Variants in NEDD4L observed in about 807,000 individuals in gnomAD.
The protein encoded by NEDD4L is NEDD4 like E3 ubiquitin protein ligase, also known as E3 ubiquitin-protein ligase NEDD4-like.
A neutral mutation model predicts 148.9 loss-of-function variants in NEDD4L; 54 were observed. The observed-to-expected ratio is 0.36, with a 90% confidence interval of 0.29 to 0.45. NEDD4L has a LOEUF of 0.45. NEDD4L is among the 20% of genes least tolerant of loss of function. The pLI is 1.00. For synonymous variants in NEDD4L, 433 were observed against 440.7 expected (o/e 0.98, Z 0.22); for missense variants, 856 against 1,233.8 (o/e 0.69, Z 4.59).
intron 5 of NEDD4L, among the ~76,000 whole-genome samples, chr18:58,291,657 C>A (rs1292254201): frequency 6.6e-6 from 1 of 152,120 alleles, no homozygotes; most frequent in African/African-American, 2.4e-5. Context: ...ATTTTTATGT[C>A]TTGTATTTTC....
At chr18:58,153,713 C>G (rs1304377360) in intron 1 of NEDD4L, among the ~76,000 whole-genome samples, 1 of 151,776 alleles carries the variant, frequency 6.6e-6, no homozygotes, top group Non-Finnish European at 1.5e-5. Context: ...GTGGCGCAAT[C>G]TCGGCTCACT....
At chr18:58,265,365 C>T (rs2050075273) in intron 5 of NEDD4L, among the ~76,000 whole-genome samples, 1 of 152,054 alleles carries the variant, frequency 6.6e-6, no homozygotes, top group Non-Finnish European at 1.5e-5. Flanking sequence ...TGGATGAATT[C>T]CTTCCTTGCT....
At chr18:58,273,937 CAG>C (rs74183246) in intron 5 of NEDD4L, among the ~76,000 whole-genome samples, 1,694 of 152,314 alleles carry the variant, frequency 0.011, 15 homozygotes, top group South Asian at 0.033. Flanking sequence ...CCCATCCACA[CAG>C]AGAGTTTATT....
chr18:58,251,166 G>A (rs2047882962), intron 4 of NEDD4L, among the ~76,000 whole-genome samples: 1 of 152,116 alleles, frequency 6.6e-6, no homozygotes, highest in African/African-American at 2.4e-5. Context: ...ATACATCATA[G>A]GATTGCTGTG....
chr18:58,314,271 G>A (rs1172984319), intron 5 of NEDD4L, among the ~76,000 whole-genome samples: 1 of 152,094 alleles, frequency 6.6e-6, no homozygotes. Flanking sequence ...ACAAAAATTA[G>A]CTGGGCGTGG....
At chr18:58,058,502 T>A (rs1271483020) in intron 1 of NEDD4L, among the ~76,000 whole-genome samples, 1 of 152,234 alleles carries the variant, frequency 6.6e-6, no homozygotes, top group East Asian at 1.9e-4. Context: ...CAGTTTCTTG[T>A]AGCGCATCTT....
intron 8 of NEDD4L, among the ~76,000 whole-genome samples, chr18:58,324,216 C>T (rs2059107084): frequency 1.3e-5 from 2 of 152,230 alleles, no homozygotes; most frequent in South Asian, 4.1e-4. Context: ...GAATTTTTTA[C>T]ACTCTTCTTG....
chr18:58,307,708 T>C (rs1311349916), intron 5 of NEDD4L, among the ~76,000 whole-genome samples: 2 of 152,140 alleles, frequency 1.3e-5, no homozygotes, highest in African/African-American at 4.8e-5. Flanking sequence ...CCCGGAGATA[T>C]GTGAGGAAGA....
chr18:58,343,209 T>A, intron 16 of NEDD4L, 106 bp downstream of exon 16: 3 of 914,728 alleles, frequency 3.3e-6, no homozygotes, highest in Non-Finnish European at 4.5e-6. Context: ...GGATTGACTG[T>A]AAAGGGTGTC....
At chr18:58,156,689 A>G (rs1599184592) in intron 1 of NEDD4L, among the ~76,000 whole-genome samples, 1 of 152,032 alleles carries the variant, frequency 6.6e-6, no homozygotes, top group Non-Finnish European at 1.5e-5. Context: ...TTGGGAGGCC[A>G]CCTGCCCGTG....
chr18:58,071,721 T>C (rs1483477510), intron 1 of NEDD4L, among the ~76,000 whole-genome samples: 1 of 152,208 alleles, frequency 6.6e-6, no homozygotes, highest in African/African-American at 2.4e-5. Context: ...TTTAATTGAC[T>C]TACAGTTCCA....
In NEDD4L at chr18:58,348,326, C is replaced by CTTTTTTTTTTTTTTTTTTTTTTT. The variant is rs771263533; in HGVS notation, c.1576-1210_1576-1188dup. Reference sequence around the variant, plus strand: ...CACTGCATTTCTTTTTCTTTTTTTTCTTTTTTTTTTTTTTTTTTTTTTTGA... The same window carrying CTTTTTTTTTTTTTTTTTTTTTTT: ...CACTGCATTTCTTTTTCTTTTTTTTCTTTTTTTTTTTTTTTTTTTTTTTTTTTTTTTTTTTTTTTTTTTTTTGA... On this transcript the variant is annotated intron_variant, in intron 16 of 30. Coordinates refer to ENST00000400345, the MANE Select transcript of NEDD4L (RefSeq NM_001144967.3). Among the ~76,000 whole-genome samples, 239 of 88,648 alleles carry CTTTTTTTTTTTTTTTTTTTTTTT rather than the reference C, an allele frequency of 2.7e-3. 16 individuals carry two copies. The highest frequency in any genetic ancestry group is 8.5e-3 in the Middle Eastern group (1 of 118). 58.2% of individuals were successfully genotyped at this position (88,648 alleles called of 152,430 possible).
intron 5 of NEDD4L, among the ~76,000 whole-genome samples, chr18:58,270,323 G>A (rs559709082): frequency 1.1e-4 from 17 of 152,300 alleles, no homozygotes; most frequent in Admixed American, 2.6e-4. Flanking sequence ...TTTTTAGGGC[G>A]CACAGAAGTG....
intron 4 of NEDD4L, among the ~76,000 whole-genome samples, chr18:58,250,366 T>C (rs1273906154): frequency 6.6e-6 from 1 of 152,184 alleles, no homozygotes. Context: ...GCCAGGCTGG[T>C]CTCACTCTCC....
At chr18:58,053,109 T>G (rs968513561) in intron 1 of NEDD4L, among the ~76,000 whole-genome samples, 4 of 151,334 alleles carry the variant, frequency 2.6e-5, no homozygotes, top group African/African-American at 4.9e-5. Flanking sequence ...CCTGTCACTT[T>G]GTTTGTTTGG....
chr18:58,221,063 G>T (rs2043705852), intron 2 of NEDD4L, among the ~76,000 whole-genome samples: 1 of 152,172 alleles, frequency 6.6e-6, no homozygotes, highest in African/African-American at 2.4e-5. Flanking sequence ...GCTGTAGTTT[G>T]TATCATAGTT....
At chr18:58,368,555 G>C (rs993866568) in intron 22 of NEDD4L, among the ~76,000 whole-genome samples, 5 of 152,242 alleles carry the variant, frequency 3.3e-5, no homozygotes, top group African/African-American at 4.8e-5. Context: ...TAGAGTGGTT[G>C]AGGATGGGAA....
intron 5 of NEDD4L, among the ~76,000 whole-genome samples, chr18:58,269,437 G>T (rs546192431): frequency 1.3e-5 from 2 of 152,192 alleles, no homozygotes; most frequent in Admixed American, 1.3e-4. Context: ...CTCAACACAA[G>T]TCTGTGGTCA....
chr18:58,296,181 T>C (rs1305390642), intron 5 of NEDD4L, among the ~76,000 whole-genome samples: 1 of 152,118 alleles, frequency 6.6e-6, no homozygotes, highest in East Asian at 1.9e-4. Context: ...TACCCTGATG[T>C]TTATAAGGAA....
Sources: allele counts gnomAD v4.1 joint callset (sites outside exome capture counted in the v4.1 genomes callset), GRCh38; gene constraint gnomAD v4.1.1; transcripts MANE v1.5; gene names NCBI Gene and HGNC (gene_info 2026-07-23, HGNC 2026-07-21).